BCL2L1: variants seen among roughly 807,000 people sequenced by gnomAD.
The protein encoded by BCL2L1 is BCL2 like 1.
BCL2L1 carries 1 observed loss-of-function variant against 18.7 expected under a neutral mutation model. The observed-to-expected ratio is 0.05, with a 90% CI of 0.02 to 0.25. BCL2L1 has a LOEUF of 0.25. BCL2L1 is among the 10% of genes least tolerant of loss of function. The pLI, the probability that BCL2L1 is intolerant of heterozygous loss-of-function variation, is 1.00. For synonymous variants in BCL2L1, 103 were observed against 122.7 expected (o/e 0.84, Z 1.06); for missense variants, 207 against 304.9 (o/e 0.68, Z 2.39).
intron 2 of BCL2L1, among the ~76,000 whole-genome samples, chr20:31,683,726 G>C (rs548386501): frequency 3.7e-5 from 5 of 134,130 alleles, no homozygotes; most frequent in Non-Finnish European, 7.7e-5. Context: ...CCGAGGCTGC[G>C]CCACTGCACT....
Position 31,665,796 on chromosome 20 carries a change from A to G in BCL2L1, c.*153T>C, listed in dbSNP as rs1026219616. On this transcript the variant is annotated 3_prime_UTR_variant, in exon 3 of 3. Transcript: ENST00000307677. ...GAAGTGTGATAAATTCTAGAAAACT[A>G]GCTGCAAGGGACCAGATCTGGGCCC... is the stretch of plus-strand genomic sequence containing the variant. 9.2e-6 allele frequency: 9 copies of G among 980,508 alleles called. No individual in the cohort carries two copies. The highest frequency in any genetic ancestry group is 3.3e-4 in the Middle Eastern group (1 of 3,008). The allele number at this position is 980,508 out of a possible 1,614,324, so 60.7% of individuals were successfully genotyped here. A position where few individuals can be genotyped will look rare whatever the true frequency, so the allele number is the denominator to read the frequency against.
chr20:31,682,657 G>C (rs1368394534), intron 2 of BCL2L1, among the ~76,000 whole-genome samples: 9 of 151,998 alleles, frequency 5.9e-5, no homozygotes, highest in Non-Finnish European at 2.9e-5. Context: ...GTCTCACTAT[G>C]TTGCCCAGTC....
At chr20:31,707,410 A>C (rs1349022767) in intron 2 of BCL2L1, among the ~76,000 whole-genome samples, 1 of 152,234 alleles carries the variant, frequency 6.6e-6, no homozygotes, top group Non-Finnish European at 1.5e-5. Flanking sequence ...CTAAGTAATT[A>C]CTATATGCTG....
chr20:31,669,827 G>A (rs2060640147), intron 2 of BCL2L1, among the ~76,000 whole-genome samples: 1 of 152,076 alleles, frequency 6.6e-6, no homozygotes, highest in Non-Finnish European at 1.5e-5. Flanking sequence ...GTAAATACAT[G>A]AGAATACATG....
chr20:31,693,308 AAATAAT>A (rs2061114614), intron 2 of BCL2L1, among the ~76,000 whole-genome samples: 1 of 151,596 alleles, frequency 6.6e-6, no homozygotes, highest in Non-Finnish European at 1.5e-5. Flanking sequence ...TCTCTAAAAA[AAATAAT>A]AATAATAATT....
At chr20:31,695,638 A>ACTCTGGCTTTGTCG (rs1426145207) in intron 2 of BCL2L1, among the ~76,000 whole-genome samples, 3 of 151,720 alleles carry the variant, frequency 2.0e-5, no homozygotes, top group African/African-American at 7.3e-5. Flanking sequence ...GCCCAACTAA[A>ACTCTGGCTTTGTCG]CTCTGGCTTT....
chr20:31,685,629 C>T (rs2060943058), intron 2 of BCL2L1, among the ~76,000 whole-genome samples: 1 of 152,138 alleles, frequency 6.6e-6, no homozygotes, highest in Non-Finnish European at 1.5e-5. Context: ...AATTAAGCAC[C>T]ACGGGCCTCA....
At chr20:31,708,275 G>A (rs948479342) in intron 2 of BCL2L1, among the ~76,000 whole-genome samples, 39 of 152,268 alleles carry the variant, frequency 2.6e-4, no homozygotes, top group African/African-American at 9.1e-4. Flanking sequence ...GGGGTTGGGG[G>A]GCACACACAA....
At chr20:31,717,235 CTG>C (rs1428021229) in intron 2 of BCL2L1, among the ~76,000 whole-genome samples, 1 of 152,180 alleles carries the variant, frequency 6.6e-6, no homozygotes, top group Non-Finnish European at 1.5e-5. Context: ...ACCAGGGAGA[CTG>C]GACACAGAGG....
chr20:31,674,680 G>A (rs773975194), intron 2 of BCL2L1, among the ~76,000 whole-genome samples: 18 of 151,930 alleles, frequency 1.2e-4, no homozygotes, highest in Non-Finnish European at 2.5e-4. Context: ...GACCAGCCAG[G>A]GCAATATGGT....
intron 2 of BCL2L1, among the ~76,000 whole-genome samples, chr20:31,692,242 T>C (rs781053692): frequency 1.3e-5 from 2 of 152,250 alleles, no homozygotes; most frequent in African/African-American, 4.8e-5. Context: ...CTCTTGAACA[T>C]GTGCATGTGC....
intron 2 of BCL2L1, among the ~76,000 whole-genome samples, chr20:31,711,791 C>T (rs2061456162): frequency 6.6e-6 from 1 of 152,128 alleles, no homozygotes; most frequent in Admixed American, 6.6e-5. Context: ...ACATACCCAC[C>T]TCTCCTACTT....
rs146757514 is a variant in BCL2L1, at chr20:31,716,640, C to T, written c.564+5015G>A. 8 of 152,314 alleles carry T rather than the reference C, an allele frequency of 5.3e-5. No homozygotes were observed. In the East Asian group the frequency reaches 1.2e-3, roughly 22 times the overall value. The allele number at this position is 152,314 out of a possible 1,614,324, so 9.4% of individuals were successfully genotyped here. ...AATTAGGTATCTGCTATGCCCAAGGCCTCTGCTCAGTGCTGAGGAAACAAG... is the reference window on the plus strand; with the variant it reads ...AATTAGGTATCTGCTATGCCCAAGGTCTCTGCTCAGTGCTGAGGAAACAAG... On this transcript the variant is annotated intron_variant, in intron 2 of 2. Transcript: ENST00000307677.
At chr20:31,669,968 A>G (rs2060642283) in intron 2 of BCL2L1, among the ~76,000 whole-genome samples, 2 of 152,238 alleles carry the variant, frequency 1.3e-5, no homozygotes, top group Admixed American at 1.3e-4. Flanking sequence ...AGCAGGGAAC[A>G]CTCAGCAAAC....
chr20:31,686,036 A>G (rs1274756912), intron 2 of BCL2L1, among the ~76,000 whole-genome samples: 1 of 152,204 alleles, frequency 6.6e-6, no homozygotes, highest in Non-Finnish European at 1.5e-5. Flanking sequence ...TCTGACTTGC[A>G]AACCCCTGTC....
At chr20:31,696,853 C>G (rs914784409) in intron 2 of BCL2L1, among the ~76,000 whole-genome samples, 1 of 151,866 alleles carries the variant, frequency 6.6e-6, no homozygotes, top group Non-Finnish European at 1.5e-5. Flanking sequence ...GTCAGGAGTT[C>G]GAGACGAGCC....
intron 2 of BCL2L1, among the ~76,000 whole-genome samples, chr20:31,714,430 A>G (rs1032369368): frequency 3.3e-5 from 5 of 152,196 alleles, no homozygotes; most frequent in Non-Finnish European, 7.3e-5. Context: ...ATGGGTCACT[A>G]TGGTATTTAG....
intron 2 of BCL2L1, among the ~76,000 whole-genome samples, chr20:31,681,614 C>T (rs1277425996): frequency 6.6e-6 from 1 of 152,192 alleles, no homozygotes; most frequent in Non-Finnish European, 1.5e-5. Context: ...GCACTTCAGC[C>T]TGGAAGACAC....
intron 2 of BCL2L1, among the ~76,000 whole-genome samples, chr20:31,698,951 A>G (rs919609025): frequency 8.6e-5 from 13 of 151,988 alleles, no homozygotes; most frequent in African/African-American, 3.1e-4. Flanking sequence ...CCTTGACCAG[A>G]CTCTAAAAGT....
Sources: gnomAD v4.1 joint callset for allele counts (sites outside exome capture counted in the v4.1 genomes callset) on GRCh38, gnomAD v4.1.1 for gene constraint, MANE v1.5 for transcripts, NCBI Gene and HGNC (gene_info 2026-07-23, HGNC 2026-07-21) for gene names.